ARHGEF18: variants seen among roughly 807,000 people sequenced by gnomAD.
ARHGEF18 encodes the protein Rho/Rac guanine nucleotide exchange factor 18, also known as rho guanine nucleotide exchange factor 18.
ARHGEF18 carries 93 observed loss-of-function variants against 155.7 expected under a neutral mutation model. That is an observed-to-expected ratio of 0.60 (90% CI 0.50 to 0.71). ARHGEF18 has a LOEUF of 0.71. Among genes scored for constraint, ARHGEF18 ranks in the 30% least tolerant of loss-of-function variants. The probability of loss-of-function intolerance (pLI) is 0.00; values close to 1 mark genes in which losing one functional copy is unlikely to be tolerated. For missense variants in ARHGEF18, 1,593 were observed against 1,816.1 expected (o/e 0.88, Z 2.23); for synonymous variants, 742 against 753.1 (o/e 0.99, Z 0.24).
At chr19:7,448,949 T>C (rs1241848593) in intron 15 of ARHGEF18, among the ~76,000 whole-genome samples, 1 of 152,072 alleles carries the variant, frequency 6.6e-6, no homozygotes, top group Admixed American at 6.6e-5. Flanking sequence ...TGGCCAGGAC[T>C]TGGTTCTGCA....
Position 7,464,509 on chromosome 19 carries a change from C to T in ARHGEF18, c.2774-51C>T, listed in dbSNP as rs750747051. On this transcript the variant is annotated intron_variant, in intron 22 of 28. Transcript: ENST00000668164. ...GCTGGGGGTGGACTGGGAAGCTTCC[C>T]CCTCCCCACGGGATGGCAGCATCCT... 27 of 1,562,034 alleles carry T rather than the reference C, an allele frequency of 1.7e-5. No individual in the cohort carries two copies. In the Middle Eastern group the frequency reaches 5.2e-4, roughly 30 times the overall value.
chr19:7,441,557 C>A, intron 11 of ARHGEF18, 96 bp from the exon 12 acceptor site: 1 of 866,446 alleles, frequency 1.2e-6, no homozygotes, highest in Non-Finnish European at 1.9e-6. Flanking sequence ...CAGAGAGTAT[C>A]GAATCGGATG....
intron 10 of ARHGEF18, among the ~76,000 whole-genome samples, chr19:7,432,811 G>A (rs1974037856): frequency 6.6e-6 from 1 of 152,222 alleles, no homozygotes; most frequent in South Asian, 2.1e-4. Context: ...AAGTCAGTGT[G>A]CCTCTAGATT....
chr19:7,474,343 A>G (rs866758965), downstream of ARHGEF18, among the ~76,000 whole-genome samples: 1 of 152,316 alleles, frequency 6.6e-6, no homozygotes, highest in South Asian at 2.1e-4. Context: ...CGTCTCAAAA[A>G]AAAAAGAAAA....
chr19:7,371,015 A>C (rs1356454710), intron 2 of ARHGEF18, among the ~76,000 whole-genome samples: 2 of 151,674 alleles, frequency 1.3e-5, no homozygotes, highest in Non-Finnish European at 1.5e-5. Flanking sequence ...GGTTCAAGTG[A>C]TCCTCCCACC....
intron 15 of ARHGEF18, 42 bp downstream of exon 15, chr19:7,447,210 G>T (rs1423750640): frequency 4.5e-6 from 7 of 1,545,088 alleles, no homozygotes; most frequent in Non-Finnish European, 6.1e-6. Flanking sequence ...TTATATTCTG[G>T]CCGGGCGCAG....
At chr19:7,363,979 G>A (rs1407619905) in intron 2 of ARHGEF18, among the ~76,000 whole-genome samples, 1 of 149,904 alleles carries the variant, frequency 6.7e-6, no homozygotes, top group Non-Finnish European at 1.5e-5. Context: ...ATGGATGGAT[G>A]AGTAGAAGGG....
At chr19:7,370,548 A>G (rs1970157258) in intron 2 of ARHGEF18, among the ~76,000 whole-genome samples, 1 of 152,124 alleles carries the variant, frequency 6.6e-6, no homozygotes. Context: ...TAAAATTACC[A>G]TATGATCCCG....
In ARHGEF18 at chr19:7,470,068, C is replaced by G; in HGVS notation, c.3913+39C>G. 6.2e-7 allele frequency: 1 copy of G among 1,611,540 alleles called. No homozygotes were observed. Among genetic ancestry groups the G allele is most frequent in the Non-Finnish European group, 8.5e-7 (1 of 1,179,170 alleles). On this transcript the variant is annotated intron_variant, in intron 28 of 28. Transcript: ENST00000668164. This position sits in a 1 kb window ranked among gnomAD's most constrained non-coding sequence, Gnocchi z 5.9. ...CCCTGACATGAGCCCAGTCCCAGGGCAGCGGGGCTGCGGCACCACCCGGCG... is the reference window on the plus strand; with the variant it reads ...CCCTGACATGAGCCCAGTCCCAGGGGAGCGGGGCTGCGGCACCACCCGGCG...
chr19:7,451,162 T>C lies in ARHGEF18; in HGVS notation c.1751T>C (p.Phe584Ser). 1 of 1,510,938 alleles carries C rather than the reference T, an allele frequency of 6.6e-7. No homozygotes were observed. Among genetic ancestry groups the C allele is most frequent in the Middle Eastern group, 1.7e-4 (1 of 5,870 alleles). The allele number at this position is 1,510,938 out of a possible 1,614,324, so 93.6% of individuals were successfully genotyped here. A position where few individuals can be genotyped will look rare whatever the true frequency, so the allele number is the denominator to read the frequency against. The change falls in exon 16 of 29, where the codon TTC becomes TCC. Residue 584 changes from phenylalanine (F) to serine (S), a missense_variant. Physicochemically the swap from Phe to Ser is radical, Grantham distance 155 (BLOSUM62 -2). Transcript: ENST00000668164. ...FQNLIKKIGN[F>S]SIVRRLGVQE... ...TCTGTTTCCTAGAAAATTGGCAACT[T>C]CTCCATCGTGCGGCGGCTTGGCGTG...
At chr19:7,474,352 A>G (rs550978271), downstream of ARHGEF18, among the ~76,000 whole-genome samples, 1 of 152,166 alleles carries the variant, frequency 6.6e-6, no homozygotes, top group Non-Finnish European at 1.5e-5. Flanking sequence ...AAAAAAAGAA[A>G]AAAAGGATGT....
At position 7,470,307 on chromosome 19, in the gene ARHGEF18, T is replaced by C. The variant is rs550316284; in HGVS notation, c.*9T>C. 6.6e-7 allele frequency: 1 copy of C among 1,511,072 alleles called. No homozygotes were observed. Among genetic ancestry groups the C allele is most frequent in the South Asian group, 1.3e-5 (1 of 77,990 alleles). The allele number at this position is 1,511,072 out of a possible 1,614,324, so 93.6% of individuals were successfully genotyped here. ...ACGTCATCTTCTTCTAAAAGGGCCG[T>C]GACTCAAGGTGCAAGGCCCCTCCCT... On this transcript the variant is annotated 3_prime_UTR_variant, in exon 29 of 29. Coordinates refer to ENST00000668164, the MANE Select transcript of ARHGEF18 (RefSeq NM_001367823.1). The surrounding 1 kb of genome is among the most constrained non-coding windows in gnomAD (Gnocchi z 5.9).
chr19:7,475,199 T>C (rs1227734708), downstream of ARHGEF18, among the ~76,000 whole-genome samples: 2 of 152,138 alleles, frequency 1.3e-5, no homozygotes, highest in Non-Finnish European at 2.9e-5. Flanking sequence ...GCCACCGCAC[T>C]CCAGCCTAGG....
chr19:7,405,239 G>A (rs987560078), intron 10 of ARHGEF18, among the ~76,000 whole-genome samples: 1 of 151,826 alleles, frequency 6.6e-6, no homozygotes, highest in Non-Finnish European at 1.5e-5. Flanking sequence ...GATTACAGGC[G>A]TGAGCCACCG....
chr19:7,452,741 C>T (rs577808484), intron 16 of ARHGEF18, among the ~76,000 whole-genome samples: 2 of 151,284 alleles, frequency 1.3e-5, no homozygotes, highest in Admixed American at 1.3e-4. Context: ...GCTGGGATTA[C>T]AGGCGTGAGC....
At chr19:7,378,212 A>G (rs1297893975) in intron 5 of ARHGEF18, among the ~76,000 whole-genome samples, 182 bp from the exon 6 acceptor site, 1 of 152,136 alleles carries the variant, frequency 6.6e-6, no homozygotes, top group Non-Finnish European at 1.5e-5. Flanking sequence ...CACTGGGGAC[A>G]CCTGCGTTTG....
Position 7,444,718 on chromosome 19 carries a change from A to G in ARHGEF18, c.1611+264A>G, listed in dbSNP as rs1974883319. 6.6e-6 allele frequency among the ~76,000 whole-genome samples: 1 copy of G among 152,150 alleles called. No individual in the cohort carries two copies. The highest frequency in any genetic ancestry group is 6.6e-5 in the Admixed American group (1 of 15,262). ...GAGATGAGGTCTCACTCTATGGCCC[A>G]GGCTGGTCTTGAACTCCTGAGCTCA... On this transcript the variant is annotated intron_variant, in intron 14 of 28. Coordinates refer to ENST00000668164, the MANE Select transcript of ARHGEF18 (RefSeq NM_001367823.1). The surrounding 1 kb of genome is among the most constrained non-coding windows in gnomAD (Gnocchi z 4.7).
intron 17 of ARHGEF18, among the ~76,000 whole-genome samples, chr19:7,455,121 G>A (rs1975745232): frequency 6.6e-6 from 1 of 152,136 alleles, no homozygotes; most frequent in Admixed American, 6.6e-5. Context: ...TCATTGAGGT[G>A]GCCAAATGAC....
At chr19:7,438,926 G>A (rs1191235560) in intron 10 of ARHGEF18, among the ~76,000 whole-genome samples, 1 of 152,066 alleles carries the variant, frequency 6.6e-6, no homozygotes, top group Non-Finnish European at 1.5e-5. Context: ...AGGCTGGAGT[G>A]CAGTGGCGCA....
Sources: gnomAD v4.1 joint callset for allele counts (sites outside exome capture counted in the v4.1 genomes callset) on GRCh38, gnomAD v4.1.1 for gene constraint, Gnocchi (gnomAD v3.1) non-coding constraint, MANE v1.5 for transcripts, NCBI Gene and HGNC (gene_info 2026-07-23, HGNC 2026-07-21) for gene names.